The following IL19 variants were observed in gnomAD, a reference collection of about 807,000 sequenced individuals.
IL19 encodes interleukin 19.
A neutral mutation model predicts 19.5 loss-of-function variants in IL19; 15 were observed. The ratio of observed to expected loss-of-function variants is 0.77; its 90% CI spans 0.52 to 1.19. The LOEUF (loss-of-function observed/expected upper bound fraction) is 1.19. Ranked by LOEUF, IL19 falls within the 50% of genes most tolerant of loss-of-function variation. The pLI, the probability that IL19 is intolerant of heterozygous loss-of-function variation, is 0.00. For synonymous variants in IL19, 78 were observed against 78.3 expected (o/e 1.00, Z 0.02); for missense variants, 199 against 213.1 (o/e 0.93, Z 0.41).
chr1:206,807,503 C>T (rs11119606), intron 2 of IL19, among the ~76,000 whole-genome samples: 42,751 of 152,022 alleles, frequency 0.28, 6,745 homozygotes, highest in East Asian at 0.67. Flanking sequence ...GGAACTCTCT[C>T]CCCTCAACCC....
intron 2 of IL19, among the ~76,000 whole-genome samples, chr1:206,832,651 T>G (rs1034657404): frequency 2.0e-5 from 3 of 152,250 alleles, no homozygotes; most frequent in Non-Finnish European, 4.4e-5. Context: ...AAATGAGATT[T>G]TTTTTGCAAT....
Position 206,771,130 on chromosome 1 carries a change from C to T in IL19, c.-149+52C>T, listed in dbSNP as rs904512012. 1.4e-5 allele frequency: 22 copies of T among 1,517,784 alleles called. No homozygotes were observed. The Admixed American group carries it at 3.5e-4, about 24-fold the overall frequency. 94.0% of individuals were successfully genotyped at this position (1,517,784 alleles called of 1,614,324 possible). On this transcript the variant is annotated intron_variant, in intron 1 of 6. Transcript: ENST00000659997. ...TGGGAGGAGGGGCTGCTGCAACTAG[C>T]TTAAGAGGACAGCTTGGTTCTAGCG...
chr1:206,841,431 C>T (rs960326), intron 6 of IL19, among the ~76,000 whole-genome samples: 128,561 of 152,208 alleles, frequency 0.84, 55,039 homozygotes, highest in Non-Finnish European at 0.91. Context: ...ACCTGCACGC[C>T]GTCACTGCGA....
intron 2 of IL19, among the ~76,000 whole-genome samples, chr1:206,821,257 T>C (rs2102474379): frequency 6.6e-6 from 1 of 152,260 alleles, no homozygotes; most frequent in South Asian, 2.1e-4. Flanking sequence ...ACTATCGAAA[T>C]ACCAGATTAG....
chr1:206,842,234 G>GTT (rs1263913067), intron 6 of IL19, among the ~76,000 whole-genome samples: 26 of 151,850 alleles, frequency 1.7e-4, no homozygotes, highest in Non-Finnish European at 3.1e-4. Context: ...CAGTAAGGCA[G>GTT]ATTTTTTTTT....
intron 2 of IL19, among the ~76,000 whole-genome samples, chr1:206,807,384 A>G (rs1675873822): frequency 6.6e-6 from 1 of 151,898 alleles, no homozygotes; most frequent in Non-Finnish European, 1.5e-5. Context: ...CAGCCACACT[A>G]TCCTCTACTC....
At position 206,814,587 on chromosome 1, in the gene IL19, G is replaced by A. The variant is rs149450300; in HGVS notation, c.-3+15581G>A. Among the ~76,000 whole-genome samples the A allele has an allele frequency of 5.3e-3, 803 of 151,114 alleles. 9 individuals carry two copies. Among genetic ancestry groups the A allele is most frequent in the African/African-American group, 0.018 (755 of 41,018 alleles). On this transcript the variant is annotated intron_variant, in intron 2 of 6. Transcript: ENST00000659997. ...CGGCCCCCTGTAATCCCAGCTACTC[G>A]AGGGGCTGAGGCATGAGAATCACTT...
intron 2 of IL19, among the ~76,000 whole-genome samples, chr1:206,831,651 A>G (rs1278638802): frequency 6.6e-6 from 1 of 152,192 alleles, no homozygotes; most frequent in Non-Finnish European, 1.5e-5. Context: ...ATGTGTAATC[A>G]CTTCATCTTC....
At chr1:206,793,274 T>A (rs887227229) in intron 1 of IL19, among the ~76,000 whole-genome samples, 1 of 152,116 alleles carries the variant, frequency 6.6e-6, no homozygotes, top group Non-Finnish European at 1.5e-5. Flanking sequence ...ACTTTGGGGG[T>A]AACAGTTTTA....
At chr1:206,795,006 C>T (rs1156801942) in intron 1 of IL19, among the ~76,000 whole-genome samples, 1 of 152,250 alleles carries the variant, frequency 6.6e-6, no homozygotes, top group Non-Finnish European at 1.5e-5. Context: ...CACCCAAACA[C>T]TTCCTCCATT....
intron 1 of IL19, among the ~76,000 whole-genome samples, chr1:206,783,113 G>A (rs1675185678): frequency 6.6e-6 from 1 of 152,110 alleles, no homozygotes; most frequent in Non-Finnish European, 1.5e-5. Flanking sequence ...TTATAAGGAG[G>A]GCACCCTTTT....
rs544341997 is a variant in IL19 at position 206,775,920 on chromosome 1, C to T, written c.-149+4842C>T. ...AGAGGACACAAATGCCACTCTCACA[C>T]TGTGAGCTTCTTGAGGCCAAAAGGC... is the stretch of plus-strand genomic sequence containing the variant. On this transcript the variant is annotated intron_variant, in intron 1 of 6. Coordinates refer to ENST00000659997, the MANE Select transcript of IL19 (RefSeq NM_153758.5). 1.2e-4 allele frequency among the ~76,000 whole-genome samples: 18 copies of T among 152,370 alleles called. 1 individual carries two copies. The highest frequency in any genetic ancestry group is 4.3e-4 in the African/African-American group (18 of 41,580).
chr1:206,776,775 T>C (rs542593737), intron 1 of IL19, among the ~76,000 whole-genome samples: 112 of 152,004 alleles, frequency 7.4e-4, no homozygotes, highest in African/African-American at 2.6e-3. Flanking sequence ...CAATCATCTA[T>C]CGCCTGAGAG....
At chr1:206,790,744 C>T (rs1032023974) in intron 1 of IL19, among the ~76,000 whole-genome samples, 2 of 152,164 alleles carry the variant, frequency 1.3e-5, no homozygotes, top group Non-Finnish European at 2.9e-5. Flanking sequence ...CCATTGCCCC[C>T]CACTGCCCAG....
intron 2 of IL19, among the ~76,000 whole-genome samples, chr1:206,824,281 A>C (rs1676373844): frequency 6.6e-6 from 1 of 152,212 alleles, no homozygotes; most frequent in African/African-American, 2.4e-5. Context: ...TCCCATCTAA[A>C]GAAAGGAGGA....
intron 1 of IL19, 181 bp downstream of exon 1, chr1:206,771,259 C>G (rs534191384): frequency 1.6e-6 from 2 of 1,263,848 alleles, no homozygotes; most frequent in Non-Finnish European, 2.3e-6. Flanking sequence ...CTTTTCAAAG[C>G]GAAGGAAACA....
intron 2 of IL19, among the ~76,000 whole-genome samples, chr1:206,814,080 T>C (rs558005005): frequency 1.5e-4 from 23 of 152,342 alleles, no homozygotes; most frequent in East Asian, 9.6e-4. Flanking sequence ...TGAAGATCCC[T>C]GGCTGATATA....
At chr1:206,772,048 A>G (rs1006753770) in intron 1 of IL19, among the ~76,000 whole-genome samples, 3 of 152,222 alleles carry the variant, frequency 2.0e-5, no homozygotes, top group African/African-American at 7.2e-5. Context: ...GAACGCATTT[A>G]CTTTATAAGG....
At chr1:206,779,486 C>T (rs1281865736) in intron 1 of IL19, among the ~76,000 whole-genome samples, 1 of 152,280 alleles carries the variant, frequency 6.6e-6, no homozygotes, top group East Asian at 1.9e-4. Context: ...GCCCCCATGG[C>T]CTAGTGTTGG....
Sources: allele counts gnomAD v4.1 joint callset (sites outside exome capture counted in the v4.1 genomes callset), GRCh38; gene constraint gnomAD v4.1.1; transcripts MANE v1.5; gene names NCBI Gene and HGNC (gene_info 2026-07-23, HGNC 2026-07-21).